The following METTL22 variants were observed in gnomAD, a reference collection of about 807,000 sequenced individuals.
METTL22 encodes methyltransferase 22, Kin17 lysine.
METTL22 carries 51 observed loss-of-function variants against 48.4 expected under a neutral mutation model. The observed-to-expected ratio is 1.05, with a 90% confidence interval of 0.84 to 1.33. METTL22 has a LOEUF of 1.33. Among genes scored for constraint, METTL22 ranks in the 40% most tolerant of loss-of-function variants. The pLI, the probability that METTL22 is intolerant of heterozygous loss-of-function variation, is 0.00. For synonymous variants in METTL22, 255 were observed against 214.1 expected (o/e 1.19, Z -1.67); for missense variants, 678 against 526.9 (o/e 1.29, Z -2.81).
Position 8,640,934 on chromosome 16 carries a change from A to C in METTL22, c.773-197A>C, listed in dbSNP as rs75287159. ...GATGGATGGATGGATGGATGGATGG[A>C]TGGATGGATGGGTGGGTGGATGGCT... On this transcript the variant is annotated intron_variant, in intron 6 of 10. Transcript: ENST00000381920. 6.6e-3 allele frequency among the ~76,000 whole-genome samples: 90 copies of C among 13,578 alleles called. 4 individuals are homozygous for C. The highest frequency in any genetic ancestry group is 0.012 in the African/African-American group (63 of 5,334). The allele number at this position is 13,578 out of a possible 152,430, so 8.9% of individuals were successfully genotyped here.
intron 9 of METTL22, 79 bp from the exon 10 acceptor site, chr16:8,644,478 G>T: frequency 7.0e-7 from 1 of 1,428,842 alleles, no homozygotes; most frequent in Non-Finnish European, 9.5e-7. Context: ...GTGAGGGATA[G>T]GAAAGCAAGG....
At chr16:8,665,558 A>G in the METTL22 span, among the ~76,000 whole-genome samples, 2 of 152,240 alleles carry the variant, frequency 1.3e-5, no homozygotes, top group East Asian at 1.9e-4. Flanking sequence ...CTCGTAGGAC[A>G]GGTATTTGAA....
intron 5 of METTL22, among the ~76,000 whole-genome samples, chr16:8,637,314 T>C (rs2056452185): frequency 6.6e-6 from 1 of 152,220 alleles, no homozygotes; most frequent in Non-Finnish European, 1.5e-5. Context: ...GGCTGCTTCT[T>C]GACAATGTCA....
chr16:8,663,086 T>C, the METTL22 span, among the ~76,000 whole-genome samples: 1 of 150,270 alleles, frequency 6.7e-6, no homozygotes, highest in African/African-American at 2.5e-5. Flanking sequence ...CAGGCGCCTA[T>C]AATCAGCTAC....
At chr16:8,665,031 G>A in the METTL22 span, among the ~76,000 whole-genome samples, 1 of 152,172 alleles carries the variant, frequency 6.6e-6, no homozygotes, top group African/African-American at 2.4e-5. Flanking sequence ...AGAAAGCTGG[G>A]TGGGAGCCCT....
At chr16:8,641,411 G>T in intron 7 of METTL22, 1 of 636,290 alleles carries the variant, frequency 1.6e-6, no homozygotes, top group South Asian at 1.5e-5. Flanking sequence ...AGGTGTTGTG[G>T]TTTCCCTGTG....
At chr16:8,651,566 A>C (rs1641085), downstream of METTL22, among the ~76,000 whole-genome samples, 1 of 151,950 alleles carries the variant, frequency 6.6e-6, no homozygotes, top group Non-Finnish European at 1.5e-5. Flanking sequence ...GTCTCACATC[A>C]TCACCTGCTA....
intron 5 of METTL22, among the ~76,000 whole-genome samples, chr16:8,637,268 C>G (rs1254018131): frequency 6.6e-6 from 1 of 152,138 alleles, no homozygotes; most frequent in Non-Finnish European, 1.5e-5. Flanking sequence ...ATGCTGTTAA[C>G]CACTGGTCAG....
chr16:8,663,225 A>AAAAAAAAAAAAAGT, the METTL22 span, among the ~76,000 whole-genome samples: 5 of 123,442 alleles, frequency 4.1e-5, 1 homozygote, highest in African/African-American at 1.6e-4. Flanking sequence ...AAAAAAAAAA[A>AAAAAAAAAAAAAGT]GGTAGCCAAG....
At position 8,644,678 on chromosome 16, in the gene METTL22, G is replaced by T. The variant is rs2056730527; in HGVS notation, c.1132G>T (p.Glu378Ter). 1.2e-6 allele frequency: 2 copies of T among 1,605,370 alleles called. No homozygotes were observed. Among genetic ancestry groups the T allele is most frequent in the East Asian group, 4.5e-5 (2 of 44,310 alleles). Residue 378 changes from glutamate (E) to a stop codon, truncating the protein, a stop_gained, in exon 10 of 11, where the codon GAG becomes TAG. Transcript: ENST00000381920. LOFTEE classifies it high-confidence loss of function. ...GKLRFVVEPV[E>*]ASFPQLLVYE... ...GCTGCGCTTCGTGGTGGAGCCCGTGGAGGCCTCCTTCCCACAGCTCCTGGT... is the reference window on the plus strand; with the variant it reads ...GCTGCGCTTCGTGGTGGAGCCCGTGTAGGCCTCCTTCCCACAGCTCCTGGT...
At chr16:8,660,688 A>C in the METTL22 span, among the ~76,000 whole-genome samples, 1 of 151,620 alleles carries the variant, frequency 6.6e-6, no homozygotes, top group Admixed American at 6.6e-5. Context: ...AAGTACTAGA[A>C]AGAACAATAG....
the METTL22 span, among the ~76,000 whole-genome samples, chr16:8,661,059 G>T: frequency 2.0e-5 from 3 of 152,158 alleles, no homozygotes; most frequent in Non-Finnish European, 4.4e-5. Flanking sequence ...CCTCCCCCAG[G>T]TTCCGCGGCT....
In METTL22 at chr16:8,647,408, T is replaced by C. The variant is rs1730989; in HGVS notation, c.*1265T>C. On this transcript the variant is annotated 3_prime_UTR_variant, in exon 11 of 11. Coordinates refer to ENST00000381920, the MANE Select transcript of METTL22 (RefSeq NM_024109.4). ...GCAAACAGTAGATGCTCAACACATA[T>C]TGTTGAATGAATTGCTAATGTAAGT... 0.092 allele frequency: 14,010 copies of C among 152,314 alleles called. 729 individuals are homozygous for C. Among genetic ancestry groups the C allele is most frequent in the Middle Eastern group, 0.14 (41 of 294 alleles). 9.4% of individuals were successfully genotyped at this position (152,314 alleles called of 1,614,324 possible).
At chr16:8,654,978 G>A in the METTL22 span, among the ~76,000 whole-genome samples, 4 of 152,138 alleles carry the variant, frequency 2.6e-5, no homozygotes, top group African/African-American at 9.7e-5. Flanking sequence ...CATAAATCCA[G>A]CCACCATGTG....
At chr16:8,639,404 A>T in intron 6 of METTL22, 1 of 574,262 alleles carries the variant, frequency 1.7e-6, no homozygotes, top group East Asian at 2.9e-5. Flanking sequence ...TCTCCCGGAC[A>T]CTGGCGGCGG....
chr16:8,628,638 C>G, intron 2 of METTL22, 92 bp from the exon 3 acceptor site: 1 of 1,482,478 alleles, frequency 6.7e-7, no homozygotes, highest in Non-Finnish European at 9.0e-7. Flanking sequence ...AAAATCTTTC[C>G]TATTGGTAAT....
the METTL22 span, among the ~76,000 whole-genome samples, chr16:8,664,306 C>T: frequency 6.6e-6 from 1 of 152,042 alleles, no homozygotes; most frequent in Non-Finnish European, 1.5e-5. Flanking sequence ...ACACCATGCC[C>T]AGCTAATTTT....
At position 8,635,291 on chromosome 16, in the gene METTL22, G is replaced by A. The variant is rs201724655; in HGVS notation, c.679G>A (p.Ala227Thr). The part of the protein sequence containing the change: ...GLASIIAATM[A>T]RTVYCTDVGA... ...CGCTAGCATCATCGCAGCCACCATGGCACGGACCGTTTATTGTACAGGTAA... is the reference window on the plus strand; with the variant it reads ...CGCTAGCATCATCGCAGCCACCATGACACGGACCGTTTATTGTACAGGTAA... Residue 227 changes from alanine (A) to threonine (T), a missense_variant, in exon 5 of 11, where the codon GCA becomes ACA. By Grantham distance (58) the Ala-to-Thr change is moderately conservative. Transcript: ENST00000381920. 1 of 1,588,278 alleles carries A rather than the reference G, an allele frequency of 6.3e-7. No individual in the cohort carries two copies. The highest frequency in any genetic ancestry group is 2.2e-5 in the East Asian group (1 of 44,566).
intron 9 of METTL22, 123 bp from the exon 10 acceptor site, chr16:8,644,434 C>G (rs1197805577): frequency 1.5e-5 from 14 of 956,624 alleles, no homozygotes; most frequent in African/African-American, 5.0e-5. Flanking sequence ...GAGACAGGCG[C>G]TCAGTAAAAG....
Sources: allele counts gnomAD v4.1 joint callset (sites outside exome capture counted in the v4.1 genomes callset), GRCh38; gene constraint gnomAD v4.1.1; transcripts MANE v1.5; gene names NCBI Gene and HGNC (gene_info 2026-07-23, HGNC 2026-07-21).